The following PTPN2 variants were observed in gnomAD, a reference collection of about 807,000 sequenced individuals.
The protein encoded by PTPN2 is tyrosine-protein phosphatase non-receptor type 2.
In PTPN2, 19 loss-of-function variants were observed where a neutral mutation model predicts 57.3. The ratio of observed to expected loss-of-function variants is 0.33; its 90% CI spans 0.23 to 0.49. The LOEUF (loss-of-function observed/expected upper bound fraction) is 0.49, where lower values mean the gene tolerates loss of function less well. Among genes scored for constraint, PTPN2 ranks in the 20% least tolerant of loss-of-function variants. The pLI is 0.99. For missense variants in PTPN2, 358 were observed against 501.1 expected (o/e 0.71, Z 2.73); for synonymous variants, 153 against 164.9 (o/e 0.93, Z 0.55).
intron 8 of PTPN2, among the ~76,000 whole-genome samples, chr18:12,795,012 G>A (rs973009747): frequency 6.6e-6 from 1 of 152,080 alleles, no homozygotes; most frequent in Non-Finnish European, 1.5e-5. Context: ...GCTTTTAGTG[G>A]GACCTGAAAA....
At chr18:12,858,747 C>T (rs1263964965) in intron 2 of PTPN2, among the ~76,000 whole-genome samples, 5 of 151,912 alleles carry the variant, frequency 3.3e-5, no homozygotes, top group South Asian at 4.2e-4. Flanking sequence ...TTTTCTACAG[C>T]GAGTACATAC....
intron 2 of PTPN2, among the ~76,000 whole-genome samples, chr18:12,850,824 C>A: frequency 6.6e-6 from 1 of 152,068 alleles, no homozygotes; most frequent in East Asian, 1.9e-4. Context: ...ACCGCAACCT[C>A]TGCCTCCCGG....
At chr18:12,803,300 G>A (rs950171072) in intron 7 of PTPN2, among the ~76,000 whole-genome samples, 11 of 151,182 alleles carry the variant, frequency 7.3e-5, no homozygotes, top group African/African-American at 2.4e-4. Flanking sequence ...AAACCACAAA[G>A]GTAAACAATA....
At position 12,838,050 on chromosome 18, in the gene PTPN2, A is replaced by G. The variant is rs1383891141; in HGVS notation, c.161-1159T>C. ...CACCCTTTAACTGTTATATTATGTAAAATAGTAAAAAGGTCAGCAACTTAA... is the reference window on the plus strand; with the variant it reads ...CACCCTTTAACTGTTATATTATGTAGAATAGTAAAAAGGTCAGCAACTTAA... On this transcript the variant is annotated intron_variant, in intron 2 of 8. Coordinates refer to ENST00000309660, the MANE Select transcript of PTPN2 (RefSeq NM_002828.4). Among the ~76,000 whole-genome samples, 3 of 152,194 alleles carry G rather than the reference A, an allele frequency of 2.0e-5. No individual in the cohort carries two copies. In the South Asian group the frequency reaches 6.2e-4, roughly 31 times the overall value.
intron 2 of PTPN2, among the ~76,000 whole-genome samples, chr18:12,838,568 G>A (rs1260796695): frequency 6.6e-6 from 1 of 152,242 alleles, no homozygotes; most frequent in Non-Finnish European, 1.5e-5. Flanking sequence ...CAGTAGGGAG[G>A]AGGGCACTAC....
chr18:12,870,086 G>A (rs1300790953), intron 1 of PTPN2, among the ~76,000 whole-genome samples: 1 of 150,590 alleles, frequency 6.6e-6, no homozygotes, highest in East Asian at 2.0e-4. Context: ...AGAGAGTTTA[G>A]AGACTAAAAC....
At position 12,785,574 on chromosome 18, in the gene PTPN2, G is replaced by T. The variant is rs544952604; in HGVS notation, c.*249C>A. 66 of 550,238 alleles carry T rather than the reference G, an allele frequency of 1.2e-4. 1 individual carries two copies. In the South Asian group the frequency reaches 1.4e-3, roughly 12 times the overall value. The allele number at this position is 550,238 out of a possible 1,614,324, so 34.1% of individuals were successfully genotyped here. A position where few individuals can be genotyped will look rare whatever the true frequency, so the allele number is the denominator to read the frequency against. On this transcript the variant is annotated 3_prime_UTR_variant, in exon 10 of 10. Transcript: ENST00000327283. ...AGTAATCTCCCCTAATTTATTTCTT[G>T]TACATCTTTCTACATTTCATACACT...
intron 2 of PTPN2, among the ~76,000 whole-genome samples, chr18:12,855,293 G>C (rs2043547121): frequency 6.6e-6 from 1 of 152,104 alleles, no homozygotes; most frequent in East Asian, 1.9e-4. Flanking sequence ...AGTGGGGGCT[G>C]GGGTAGGATA....
At chr18:12,857,097 C>T (rs1323779351) in intron 2 of PTPN2, among the ~76,000 whole-genome samples, 3 of 148,380 alleles carry the variant, frequency 2.0e-5, no homozygotes, top group Non-Finnish European at 3.0e-5. Context: ...TAGATCAATT[C>T]GATAAAACTA....
intron 2 of PTPN2, among the ~76,000 whole-genome samples, chr18:12,854,613 C>T (rs1246407890): frequency 6.6e-6 from 1 of 152,050 alleles, no homozygotes; most frequent in Non-Finnish European, 1.5e-5. Context: ...GACACCCAGA[C>T]AGAGATGATG....
chr18:12,859,878 C>T (rs990161928), intron 1 of PTPN2, among the ~76,000 whole-genome samples: 2 of 152,300 alleles, frequency 1.3e-5, no homozygotes, highest in African/African-American at 4.8e-5. Context: ...ACAAGCCTGG[C>T]GCAGTGGCTA....
At chr18:12,815,434 T>C (rs1371968496) in intron 6 of PTPN2, among the ~76,000 whole-genome samples, 1 of 151,212 alleles carries the variant, frequency 6.6e-6, no homozygotes, top group African/African-American at 2.4e-5. Context: ...AATAAATAAA[T>C]AGAATAATAA....
chr18:12,862,861 G>A (rs909000462), intron 1 of PTPN2: 1 of 151,698 alleles, frequency 6.6e-6, no homozygotes, highest in African/African-American at 2.4e-5. Context: ...TAAACTCCTG[G>A]TTGTTAAATC....
chr18:12,836,481 C>T (rs552289216), intron 3 of PTPN2, among the ~76,000 whole-genome samples: 90 of 152,350 alleles, frequency 5.9e-4, no homozygotes, highest in Admixed American at 2.7e-3. Context: ...AAAGAAGACA[C>T]TAAGAAGCAT....
chr18:12,831,127 G>C, intron 3 of PTPN2, 86 bp from the exon 4 acceptor site: 3 of 878,818 alleles, frequency 3.4e-6, no homozygotes, highest in Admixed American at 2.0e-5. Flanking sequence ...TCTGCTCCTG[G>C]GATGTTACAA....
In PTPN2 at chr18:12,868,716, G is replaced by A. The variant is rs373115322; in HGVS notation, c.70-9462C>T. On this transcript the variant is annotated intron_variant, in intron 1 of 8. Transcript: ENST00000309660. ...TGGGAGGCTGAGGCGGGCGGATCAC[G>A]AGTTCAGGGAGATTGAGACCAGGTG... 1.2e-4 allele frequency among the ~76,000 whole-genome samples: 18 copies of A among 144,750 alleles called. No homozygotes were observed. The East Asian group carries it at 2.5e-3, about 20-fold the overall frequency. The allele number at this position is 144,750 out of a possible 152,430, so 95.0% of individuals were successfully genotyped here. A position where few individuals can be genotyped will look rare whatever the true frequency, so the allele number is the denominator to read the frequency against.
At chr18:12,817,079 A>G (rs974353894) in intron 6 of PTPN2, 77 bp downstream of exon 6, 1 of 1,333,448 alleles carries the variant, frequency 7.5e-7, no homozygotes, top group Non-Finnish European at 1.1e-6. Context: ...ACAGCATCAG[A>G]GTTTATTCAC....
intron 8 of PTPN2, among the ~76,000 whole-genome samples, chr18:12,795,058 CTG>C (rs1407724492): frequency 3.9e-5 from 6 of 152,146 alleles, no homozygotes; most frequent in African/African-American, 1.4e-4. Flanking sequence ...GAATTGATGA[CTG>C]TTAGTTTTCT....
chr18:12,847,173 A>C (rs2043238784), intron 2 of PTPN2, among the ~76,000 whole-genome samples: 1 of 152,210 alleles, frequency 6.6e-6, no homozygotes, highest in South Asian at 2.1e-4. Context: ...AAATAGACCA[A>C]AGTAATCTAA....
Sources: gnomAD v4.1 joint callset for allele counts (sites outside exome capture counted in the v4.1 genomes callset) on GRCh38, gnomAD v4.1.1 for gene constraint, MANE v1.5 for transcripts, NCBI Gene and HGNC (gene_info 2026-07-23, HGNC 2026-07-21) for gene names.